DARS1: variants seen among roughly 807,000 people sequenced by gnomAD.
The protein encoded by DARS1 is aspartyl-tRNA synthetase 1.
DARS1 carries 51 observed loss-of-function variants against 68.8 expected under a neutral mutation model. The ratio of observed to expected loss-of-function variants is 0.74; its 90% CI spans 0.59 to 0.94. The LOEUF (loss-of-function observed/expected upper bound fraction) is 0.94, where lower values mean the gene tolerates loss of function less well. Among genes scored for constraint, DARS1 ranks in the 40% least tolerant of loss-of-function variants. The pLI is 0.00. For synonymous variants in DARS1, 203 were observed against 190.4 expected (o/e 1.07, Z -0.55); for missense variants, 607 against 597.3 (o/e 1.02, Z -0.17).
intron 5 of DARS1, among the ~76,000 whole-genome samples, chr2:135,941,148 TG>T (rs1295445837): frequency 6.6e-6 from 1 of 152,090 alleles, no homozygotes; most frequent in Non-Finnish European, 1.5e-5. Flanking sequence ...TTCACAGAAT[TG>T]GAAAAAACTA....
intron 1 of DARS1, 120 bp downstream of exon 1, chr2:135,985,283 C>G: frequency 6.9e-7 from 1 of 1,439,050 alleles, no homozygotes; most frequent in Non-Finnish European, 9.2e-7. Context: ...ACCCCACGCC[C>G]GCAGCCTGCG....
At chr2:135,940,751 T>C (rs921331534) in intron 5 of DARS1, among the ~76,000 whole-genome samples, 1 of 152,084 alleles carries the variant, frequency 6.6e-6, no homozygotes, top group African/African-American at 2.4e-5. Context: ...GATTGTATAT[T>C]TAGAAAACCC....
chr2:135,973,869 A>C (rs1260340869), intron 3 of DARS1, among the ~76,000 whole-genome samples: 4 of 152,132 alleles, frequency 2.6e-5, no homozygotes, highest in African/African-American at 9.7e-5. Context: ...AAAATAAATA[A>C]AATTTAAAAA....
chr2:135,912,390 A>G, intron 13 of DARS1, 96 bp downstream of exon 13: 2 of 550,334 alleles, frequency 3.6e-6, no homozygotes, highest in South Asian at 6.5e-5. Flanking sequence ...ACTGCAAATT[A>G]TTAATGAAAA....
intron 3 of DARS1, among the ~76,000 whole-genome samples, chr2:135,963,498 T>C (rs1274576502): frequency 6.7e-6 from 1 of 149,988 alleles, no homozygotes; most frequent in Non-Finnish European, 1.5e-5. Context: ...CAGCCTCTTG[T>C]GTAGCTGGGA....
intron 8 of DARS1, among the ~76,000 whole-genome samples, chr2:135,923,358 C>T (rs568834933): frequency 1.2e-4 from 19 of 152,220 alleles, no homozygotes; most frequent in African/African-American, 4.3e-4. Context: ...GGCACGATCT[C>T]GGCTCACTGC....
chr2:135,921,993 T>C (rs1329757413), intron 9 of DARS1, among the ~76,000 whole-genome samples: 1 of 152,204 alleles, frequency 6.6e-6, no homozygotes, highest in Admixed American at 6.5e-5. Context: ...AAAAAACATA[T>C]ATAAAATAAC....
chr2:135,909,472 C>T (rs1349649751), intron 15 of DARS1, among the ~76,000 whole-genome samples: 1 of 152,042 alleles, frequency 6.6e-6, no homozygotes, highest in African/African-American at 2.4e-5. Context: ...TCTTGCATAC[C>T]TATATTTTTT....
chr2:135,970,876 C>A (rs1477314047), intron 3 of DARS1, among the ~76,000 whole-genome samples: 4 of 152,054 alleles, frequency 2.6e-5, no homozygotes, highest in Non-Finnish European at 4.4e-5. Flanking sequence ...TAGACACATA[C>A]AACCTACCAA....
chr2:135,936,879 TGTCTGCCTGTTG>T lies in DARS1; in HGVS notation c.424-2901_424-2890del, dbSNP rs1337285000. On this transcript the variant is annotated intron_variant, in intron 5 of 15. Transcript: ENST00000264161. ...GTACATATAGGCCTATCTCTGAATC[TGTCTGCCTGTTG>T]GTCTGCCTGACTCTTACATATGGTC... 3.9e-5 allele frequency among the ~76,000 whole-genome samples: 6 copies of T among 152,352 alleles called. No individual in the cohort carries two copies. In the East Asian group the frequency reaches 1.2e-3, roughly 29 times the overall value.
In DARS1 at chr2:135,985,591, C is replaced by G; in HGVS notation, c.-123G>C. On this transcript the variant is annotated 5_prime_UTR_variant, in exon 1 of 16. Coordinates refer to ENST00000264161, the MANE Select transcript of DARS1 (RefSeq NM_001349.4). ...CGACCCTGGGGTCTCAGCACACGCG[C>G]TCGGACTCCGCGTGGAGGTGCGGCT... 2 of 1,549,738 alleles carry G rather than the reference C, an allele frequency of 1.3e-6. No individual in the cohort carries two copies. The highest frequency in any genetic ancestry group is 4.0e-5 in the Admixed American group (2 of 50,130).
chr2:135,924,471 G>A lies in DARS1; in HGVS notation c.592C>T (p.Leu198Phe), dbSNP rs1056800068. Residue 198 changes from leucine (L) to phenylalanine (F), a missense_variant, in exon 8 of 16, where the codon CTC becomes TTC. Transcript: ENST00000264161. The part of the protein sequence containing the change: ...RTSTSQAVFR[L>F]QSGICHLFRE... ...AAGAGATGGCAGATGCCAGACTGGA[G>A]ACGGAAGACTGCCTGACTAGTTGAT... 2 of 1,608,960 alleles carry A rather than the reference G, an allele frequency of 1.2e-6. No homozygotes were observed. Among genetic ancestry groups the A allele is most frequent in the Non-Finnish European group, 8.5e-7 (1 of 1,178,660 alleles).
At chr2:135,940,631 T>C (rs1312053196) in intron 5 of DARS1, among the ~76,000 whole-genome samples, 2 of 152,280 alleles carry the variant, frequency 1.3e-5, no homozygotes, top group East Asian at 3.9e-4. Context: ...ACCACTCCTA[T>C]TCAACACAGT....
intron 2 of DARS1, among the ~76,000 whole-genome samples, chr2:135,982,151 G>A (rs1190535410): frequency 1.3e-5 from 2 of 152,140 alleles, no homozygotes; most frequent in Non-Finnish European, 2.9e-5. Context: ...GTAATTTGAA[G>A]TGTCTACCAA....
chr2:135,918,176 C>A (rs1387045902), intron 10 of DARS1, among the ~76,000 whole-genome samples: 1 of 152,192 alleles, frequency 6.6e-6, no homozygotes, highest in African/African-American at 2.4e-5. Flanking sequence ...ACCTCAGCCT[C>A]CCAAAGTGCT....
At chr2:135,946,680 C>T (rs900358924) in intron 4 of DARS1, among the ~76,000 whole-genome samples, 2 of 152,028 alleles carry the variant, frequency 1.3e-5, no homozygotes, top group Admixed American at 6.5e-5. Context: ...ATAGGAGACA[C>T]GTGAAAAAAT....
intron 4 of DARS1, among the ~76,000 whole-genome samples, chr2:135,953,948 G>A (rs1681904797): frequency 1.3e-5 from 2 of 150,202 alleles, no homozygotes; most frequent in African/African-American, 4.9e-5. Flanking sequence ...GTAGCGACAG[G>A]GTTTTGCCAT....
intron 13 of DARS1, 65 bp downstream of exon 13, chr2:135,912,421 T>A (rs1680915806): frequency 1.4e-6 from 1 of 703,630 alleles, no homozygotes; most frequent in Admixed American, 2.5e-5. Flanking sequence ...TATTATACAA[T>A]CTGACAGTGA....
At chr2:135,940,765 C>G (rs538681567) in intron 5 of DARS1, among the ~76,000 whole-genome samples, 2 of 152,102 alleles carry the variant, frequency 1.3e-5, no homozygotes, top group African/African-American at 4.8e-5. Flanking sequence ...AAAACCCCAT[C>G]GTCTCAGGCC....
Sources: allele counts gnomAD v4.1 joint callset (sites outside exome capture counted in the v4.1 genomes callset), GRCh38; gene constraint gnomAD v4.1.1; transcripts MANE v1.5; gene names NCBI Gene and HGNC (gene_info 2026-07-23, HGNC 2026-07-21).